The following APC2 variants were observed in gnomAD, a reference collection of about 807,000 sequenced individuals.
The protein encoded by APC2 is APC regulator of Wnt signaling pathway 2, also known as adenomatous polyposis coli protein 2.
Under a neutral mutation model 72.5 loss-of-function variants are expected in APC2, and 41 were observed. That is an observed-to-expected ratio of 0.57 (90% CI 0.44 to 0.73). APC2 has a LOEUF of 0.73. APC2 is among the 30% of genes least tolerant of loss of function. The pLI, the probability that APC2 is intolerant of heterozygous loss-of-function variation, is 0.00. For synonymous variants in APC2, 1,898 were observed against 1,612.0 expected (o/e 1.18, Z -4.25); for missense variants, 3,729 against 3,403.4 (o/e 1.10, Z -2.38).
intron 14 of APC2, among the ~76,000 whole-genome samples, chr19:1,464,044 G>T (rs1021741500): frequency 2.7e-5 from 4 of 149,428 alleles, no homozygotes; most frequent in Non-Finnish European, 5.9e-5. Flanking sequence ...TGGGGTGGTG[G>T]ACGCCTGTAA....
chr19:1,469,716 G>A lies in APC2; in HGVS notation c.6415G>A (p.Val2139Met), dbSNP rs2084099527. 2 of 1,447,888 alleles carry A rather than the reference G, an allele frequency of 1.4e-6. No individual in the cohort carries two copies. Among genetic ancestry groups the A allele is most frequent in the African/African-American group, 1.5e-5 (1 of 66,990 alleles). 89.7% of individuals were successfully genotyped at this position (1,447,888 alleles called of 1,614,324 possible). ...SDGEPRPLPR[V>M]AAPGTTWRRI... is the part of the protein sequence containing the mutation. ...CGGGGAGCCCCGGCCGCTCCCCAGG[G>A]TGGCCGCGCCGGGCACGACCTGGCG... Residue 2139 changes from valine to methionine, a missense_variant, in exon 15 of 15, where the codon GTG (valine) becomes ATG (methionine). Physicochemically the swap from Val to Met is conservative, Grantham distance 21 (BLOSUM62 1). Coordinates refer to ENST00000590469, the MANE Select transcript of APC2 (RefSeq NM_005883.3).
Position 1,469,404 on chromosome 19 carries a change from G to A in APC2, c.6103G>A (p.Ala2035Thr), listed in dbSNP as rs1300069052. The A allele has an allele frequency of 8.3e-7, 1 of 1,206,816 alleles. No individual in the cohort carries two copies. Among genetic ancestry groups the A allele is most frequent in the Non-Finnish European group, 1.0e-6 (1 of 972,632 alleles). The allele number at this position is 1,206,816 out of a possible 1,614,324, so 74.8% of individuals were successfully genotyped here. ...SPRRGRPALP[A>T]VFLCSSRCEE... ...CCGCCGCGGCCGGCCCGCGCTGCCC[G>A]CCGTCTTCCTCTGCTCCTCGCGCTG... The change falls in exon 15 of 15, where the codon GCC becomes ACC. Residue 2035 changes from alanine to threonine, a missense_variant. By Grantham distance (58) the Ala-to-Thr change is moderately conservative. Transcript: ENST00000590469.
At position 1,461,110 on chromosome 19, in the gene APC2, G is replaced by T; in HGVS notation, c.1595G>T (p.Gly532Val). The change falls in exon 13 of 15, where the codon GGC becomes GTC. Residue 532 changes from glycine (G) to valine (V), a missense_variant. Gly to Val is a moderately radical substitution (Grantham distance 109). Coordinates refer to ENST00000590469, the MANE Select transcript of APC2 (RefSeq NM_005883.3). ...AGCAAGAAGGTGCTGAGGGAGGCGG[G>T]CAGCGTGACTGCCCTGGTGCAGTGT... ...INSKKVLREA[G>V]SVTALVQCVL... 6.2e-7 allele frequency: 1 copy of T among 1,613,026 alleles called. No individual in the cohort carries two copies. The highest frequency in any genetic ancestry group is 8.5e-7 in the Non-Finnish European group (1 of 1,180,032).
rs1398301450 is a variant in APC2 at position 1,468,722 on chromosome 19, G to A, written c.5421G>A (p.Gly1807=). 1.8e-5 allele frequency: 27 copies of A among 1,513,672 alleles called. No individual in the cohort carries two copies. The highest frequency in any genetic ancestry group is 2.5e-5 in the East Asian group (1 of 40,528). The allele number at this position is 1,513,672 out of a possible 1,614,324, so 93.8% of individuals were successfully genotyped here. Residue 1807 remains glycine, a synonymous_variant, in exon 15 of 15, where the codon GGG becomes GGA. Transcript: ENST00000590469. ...PSPAPRAQPK[G]TPGPRATPRK... ...CGGCACCCCGTGCCCAGCCCAAAGG[G>A]ACCCCCGGCCCCCGCGCCACACCGC...
At position 1,468,528 on chromosome 19, in the gene APC2, G is replaced by C. The variant is rs768024286; in HGVS notation, c.5227G>C (p.Gly1743Arg). Residue 1743 changes from glycine (G) to arginine (R), a missense_variant, in exon 15 of 15, where the codon GGA (glycine) becomes CGA (arginine). By Grantham distance (125) the Gly-to-Arg change is moderately radical (BLOSUM62 -2). Coordinates refer to ENST00000590469, the MANE Select transcript of APC2 (RefSeq NM_005883.3). ...GCACAGGAAGGGACGACAGGCGGAG[G>C]GAGAAATGGGCAGTGCCCGGCGGCC... is the stretch of plus-strand genomic sequence containing the variant. Reference protein sequence around the residue: ...PKHRKGRQAEGEMGSARRPEK... With the variant: ...PKHRKGRQAEREMGSARRPEK... 6.2e-7 allele frequency: 1 copy of C among 1,602,720 alleles called. No homozygotes were observed. The highest frequency in any genetic ancestry group is 1.3e-5 in the African/African-American group (1 of 74,742).
rs142788595 is a variant in APC2 at position 1,456,415 on chromosome 19, G to C, written c.816+11G>C. ...CCGGGCAACAGCAAGGTGAGGGGGA[G>C]GGTGAAACGGGGGCTGGCGCAGCTG... On this transcript the variant is annotated intron_variant, in intron 8 of 14. Coordinates refer to ENST00000590469, the MANE Select transcript of APC2 (RefSeq NM_005883.3). 1.9e-6 allele frequency: 3 copies of C among 1,585,774 alleles called. No individual in the cohort carries two copies. The highest frequency in any genetic ancestry group is 1.7e-6 in the Non-Finnish European group (2 of 1,167,348).
At position 1,450,178 on chromosome 19, in the gene APC2, G is replaced by C. The variant is rs1317819134; in HGVS notation, c.-179G>C. On this transcript the variant is annotated 5_prime_UTR_variant, in exon 1 of 15. Transcript: ENST00000590469. ...CGCCGCCTGCCCAGGCCCGGACCGG[G>C]CTTTGTCCGCCCCGGAGCCCCTGCC... 5.2e-5 allele frequency: 51 copies of C among 985,112 alleles called. No individual in the cohort carries two copies. The highest frequency in any genetic ancestry group is 6.0e-5 in the Non-Finnish European group (50 of 829,874). 61.0% of individuals were successfully genotyped at this position (985,112 alleles called of 1,614,324 possible). A position where few individuals can be genotyped will look rare whatever the true frequency, so the allele number is the denominator to read the frequency against.
chr19:1,457,531 G>A (rs113779170), intron 9 of APC2: 22,885 of 532,066 alleles, frequency 0.043, 712 homozygotes, highest in South Asian at 0.087. Context: ...TTTTGCAGTT[G>A]ATCGCAAAGT....
At position 1,465,355 on chromosome 19, in the gene APC2, T is replaced by C; in HGVS notation, c.2054T>C (p.Met685Thr). 1.9e-6 allele frequency: 3 copies of C among 1,586,320 alleles called. No homozygotes were observed. Residue 685 changes from methionine (M) to threonine (T), a missense_variant, in exon 15 of 15, where the codon ATG (methionine) becomes ACG (threonine). Coordinates refer to ENST00000590469, the MANE Select transcript of APC2 (RefSeq NM_005883.3). ...LVHSKHKMIA[M>T]GSAAALRNLL... The stretch of plus-strand genomic sequence containing the variant: ...CACTCCAAGCACAAGATGATCGCCA[T>C]GGGCAGCGCCGCCGCCCTGCGCAAC...
In APC2 at chr19:1,467,184, C is replaced by G; in HGVS notation, c.3883C>G (p.Arg1295Gly). ...EHYVQQDVELRLLPSACPERG... is the reference protein window; with the variant it reads ...EHYVQQDVELGLLPSACPERG... ...CTACGTGCAGCAGGACGTGGAGCTG[C>G]GGCTGCTGCCCTCGGCCTGCCCCGA... The change falls in exon 15 of 15, where the codon CGG becomes GGG. Residue 1295 changes from arginine (R) to glycine (G), a missense_variant. By Grantham distance (125) the Arg-to-Gly change is moderately radical. Coordinates refer to ENST00000590469, the MANE Select transcript of APC2 (RefSeq NM_005883.3). The G allele has an allele frequency of 6.6e-7, 1 of 1,515,442 alleles. No homozygotes were observed. The highest frequency in any genetic ancestry group is 8.8e-7 in the Non-Finnish European group (1 of 1,134,452). The allele number at this position is 1,515,442 out of a possible 1,614,324, so 93.9% of individuals were successfully genotyped here. A position where few individuals can be genotyped will look rare whatever the true frequency, so the allele number is the denominator to read the frequency against.
chr19:1,456,423 C>T lies in APC2; in HGVS notation c.816+19C>T, dbSNP rs1386899586. The stretch of plus-strand genomic sequence containing the variant: ...CAGCAAGGTGAGGGGGAGGGTGAAA[C>T]GGGGGCTGGCGCAGCTGTCTGGGCT... On this transcript the variant is annotated intron_variant, in intron 8 of 14. Transcript: ENST00000590469. 7.6e-6 allele frequency: 12 copies of T among 1,572,470 alleles called. No homozygotes were observed. The highest frequency in any genetic ancestry group is 1.4e-5 in the African/African-American group (1 of 73,916).
rs1192571326 is a variant in APC2, at chr19:1,466,499, G to A, written c.3198G>A (p.Ser1066=). The A allele has an allele frequency of 3.1e-6, 5 of 1,597,136 alleles. No homozygotes were observed. Among genetic ancestry groups the A allele is most frequent in the South Asian group, 1.1e-5 (1 of 90,758 alleles). ...TGGCGGCGCAAGAGGGGCCACTCTC[G>A]CTGTCCCGATGCAGCTCCCTTTCCT... ...QKLAAQEGPL[S]LSRCSSLSSL... is the part of the protein sequence containing the mutation. Residue 1066 remains serine (S), a synonymous_variant, in exon 15 of 15, where the codon TCG becomes TCA. Coordinates refer to ENST00000590469, the MANE Select transcript of APC2 (RefSeq NM_005883.3).
rs1417193546 is a variant in APC2 at position 1,462,034 on chromosome 19, C to T, written c.1710C>T (p.Ala570=). The T allele has an allele frequency of 6.2e-7, 1 of 1,613,082 alleles. No homozygotes were observed. The highest frequency in any genetic ancestry group is 1.1e-5 in the South Asian group (1 of 91,084). ...LSAHSTENKA[A]ICQVDGALGF... ...CACACAGCACAGAGAACAAGGCGGC[C>T]ATCTGCCAGGTGGATGGCGCCCTGG... is the stretch of plus-strand genomic sequence containing the variant. Residue 570 remains alanine, a synonymous_variant, in exon 14 of 15, where the codon GCC becomes GCT. Transcript: ENST00000590469.
intron 14 of APC2, among the ~76,000 whole-genome samples, chr19:1,462,655 CAAAA>C (rs34103912): frequency 8.0e-5 from 2 of 24,908 alleles, no homozygotes; most frequent in African/African-American, 1.2e-4. Context: ...AACTTCATCT[CAAAA>C]AAAAAAAAAA....
chr19:1,446,666 G>A (rs1473685736), upstream of APC2, among the ~76,000 whole-genome samples: 1 of 152,018 alleles, frequency 6.6e-6, no homozygotes, highest in Non-Finnish European at 1.5e-5. This position sits in a 1 kb window ranked among gnomAD's most constrained non-coding sequence, Gnocchi z 6.1. Context: ...CGCGGAGGCT[G>A]CGCCAGCTGG....
At chr19:1,446,869 G>A (rs1475506710), upstream of APC2, among the ~76,000 whole-genome samples, 5 of 152,224 alleles carry the variant, frequency 3.3e-5, no homozygotes, top group Non-Finnish European at 7.3e-5. The surrounding 1 kb of genome is among the most constrained non-coding windows in gnomAD (Gnocchi z 6.1). Context: ...CCAGCCTCCG[G>A]AATCGTCTGA....
chr19:1,448,678 T>TA (rs199807106), upstream of APC2, among the ~76,000 whole-genome samples: 253 of 150,496 alleles, frequency 1.7e-3, 8 homozygotes, highest in East Asian at 0.044. Flanking sequence ...CCGTCTCTAC[T>TA]AAAAAATACA....
chr19:1,465,871 T>G lies in APC2; in HGVS notation c.2570T>G (p.Leu857Arg). 1 of 1,566,638 alleles carries G rather than the reference T, an allele frequency of 6.4e-7. No individual in the cohort carries two copies. Among genetic ancestry groups the G allele is most frequent in the Non-Finnish European group, 8.6e-7 (1 of 1,159,216 alleles). The change falls in exon 15 of 15, where the codon CTG becomes CGG. Residue 857 changes from leucine (L) to arginine (R), a missense_variant. Transcript: ENST00000590469. ...CTTGCAGTGGCGCGCATCGACCAGC[T>G]GGTGGAGGACATCTCCGCCCTGCAC... ...LALAVARIDQ[L>R]VEDISALHTS...
At chr19:1,454,933 G>A (rs1330261146) in intron 4 of APC2, among the ~76,000 whole-genome samples, 3 of 151,370 alleles carry the variant, frequency 2.0e-5, no homozygotes, top group Non-Finnish European at 4.4e-5. Context: ...ATGTTGCCCA[G>A]ACTGTTTTCT....
Sources: gnomAD v4.1 joint callset for allele counts (sites outside exome capture counted in the v4.1 genomes callset) on GRCh38, gnomAD v4.1.1 for gene constraint, Gnocchi (gnomAD v3.1) non-coding constraint, MANE v1.5 for transcripts, NCBI Gene and HGNC (gene_info 2026-07-23, HGNC 2026-07-21) for gene names.